The following PTPRT variants were observed in gnomAD, a reference collection of about 807,000 sequenced individuals.
PTPRT encodes the protein protein tyrosine phosphatase receptor type T.
A neutral mutation model predicts 176.8 loss-of-function variants in PTPRT; 56 were observed. The observed-to-expected ratio is 0.32, with a 90% CI of 0.26 to 0.40. The LOEUF is 0.40. PTPRT is among the 10% of genes least tolerant of loss of function. The pLI is 1.00. For missense variants in PTPRT, 1,540 were observed against 1,908.2 expected (o/e 0.81, Z 3.60); for synonymous variants, 783 against 739.0 (o/e 1.06, Z -0.96).
chr20:42,822,566 T>G (rs2077914452), intron 2 of PTPRT, among the ~76,000 whole-genome samples: 1 of 151,958 alleles, frequency 6.6e-6, no homozygotes, highest in Non-Finnish European at 1.5e-5. Context: ...CTAACTAAAC[T>G]AAAGAGCTCC....
At chr20:42,437,447 A>G (rs908525126) in intron 9 of PTPRT, among the ~76,000 whole-genome samples, 9 of 152,222 alleles carry the variant, frequency 5.9e-5, no homozygotes, top group African/African-American at 1.9e-4. Context: ...ACAACCCACT[A>G]TTTGACGTGC....
At chr20:43,143,069 C>T (rs2014065462) in intron 1 of PTPRT, among the ~76,000 whole-genome samples, 1 of 152,176 alleles carries the variant, frequency 6.6e-6, no homozygotes, top group South Asian at 2.1e-4. Context: ...CCGGGGGCAC[C>T]TTCCAAGAGA....
In PTPRT at chr20:42,115,255, G is replaced by C. The variant is rs1987218254; in HGVS notation, c.3043C>G (p.Leu1015Val). The stretch of plus-strand genomic sequence containing the variant: ...TCTGCCAGGGGCTCTGTTTCAATCA[G>C]GGTGACTTTAATGTCTCCGTAGACC... The part of the protein sequence containing the change: ...TEVYGDIKVT[L>V]IETEPLAEYV... Residue 1015 changes from leucine (L) to valine (V), a missense_variant, in exon 22 of 31, where the codon CTG becomes GTG. Leu to Val is a conservative substitution (Grantham distance 32). This residue lies in a region of PTPRT where 248 missense variants were observed against 356.7 expected (regional missense o/e 0.70). Transcript: ENST00000373187. 6.2e-7 allele frequency: 1 copy of C among 1,614,140 alleles called. No individual in the cohort carries two copies. Among genetic ancestry groups the C allele is most frequent in the African/African-American group, 1.3e-5 (1 of 75,054 alleles).
intron 1 of PTPRT, among the ~76,000 whole-genome samples, chr20:43,078,323 G>A (rs2011334630): frequency 6.6e-6 from 1 of 152,202 alleles, no homozygotes; most frequent in South Asian, 2.1e-4. Flanking sequence ...TGACCACTCA[G>A]CCAGCCCTGA....
intron 15 of PTPRT, among the ~76,000 whole-genome samples, chr20:42,205,694 G>A (rs1183940746): frequency 6.6e-6 from 1 of 152,024 alleles, no homozygotes; most frequent in Admixed American, 6.6e-5. Flanking sequence ...CACTGATCAG[G>A]CACTCTTCCT....
chr20:42,110,799 C>T (rs1986942815), intron 22 of PTPRT, among the ~76,000 whole-genome samples: 1 of 151,820 alleles, frequency 6.6e-6, no homozygotes, highest in Non-Finnish European at 1.5e-5. Context: ...CCTAGGGGAT[C>T]GTCTTTGACA....
At chr20:43,091,055 GC>G (rs1341217168) in intron 1 of PTPRT, among the ~76,000 whole-genome samples, 2 of 152,032 alleles carry the variant, frequency 1.3e-5, no homozygotes, top group Non-Finnish European at 2.9e-5. Flanking sequence ...ACATGGTGAA[GC>G]CCCATCTCTA....
At chr20:42,333,206 G>T (rs1218624801) in intron 11 of PTPRT, among the ~76,000 whole-genome samples, 1 of 152,082 alleles carries the variant, frequency 6.6e-6, no homozygotes, top group Non-Finnish European at 1.5e-5. Flanking sequence ...CACAGAAACA[G>T]ATATGATAAT....
chr20:42,100,668 T>C (rs1985844566), intron 26 of PTPRT, among the ~76,000 whole-genome samples: 1 of 151,840 alleles, frequency 6.6e-6, no homozygotes, highest in South Asian at 2.1e-4. Flanking sequence ...TAGGAGGAAA[T>C]TGGAAGTATG....
At chr20:42,617,903 T>C (rs1393740422) in intron 7 of PTPRT, among the ~76,000 whole-genome samples, 4 of 138,658 alleles carry the variant, frequency 2.9e-5, no homozygotes, top group East Asian at 2.0e-4. Flanking sequence ...CCTGGATTCA[T>C]TGATTTTTTG....
At chr20:42,445,674 C>T (rs1379847417) in intron 9 of PTPRT, among the ~76,000 whole-genome samples, 1 of 152,190 alleles carries the variant, frequency 6.6e-6, no homozygotes, top group East Asian at 1.9e-4. Flanking sequence ...TACTCTGGTT[C>T]CGGTTCTCTG....
intron 9 of PTPRT, among the ~76,000 whole-genome samples, chr20:42,422,785 G>A (rs908758663): frequency 6.6e-6 from 1 of 152,070 alleles, no homozygotes; most frequent in Non-Finnish European, 1.5e-5. Context: ...ATAGCCAACA[G>A]AATCAACCTA....
chr20:42,558,629 G>A (rs1229907886), intron 7 of PTPRT, among the ~76,000 whole-genome samples: 1 of 151,944 alleles, frequency 6.6e-6, no homozygotes. Flanking sequence ...AGAAGAAAAT[G>A]GACTCACACG....
At chr20:42,235,055 G>C (rs1600710322) in intron 15 of PTPRT, among the ~76,000 whole-genome samples, 1 of 152,314 alleles carries the variant, frequency 6.6e-6, no homozygotes, top group African/African-American at 2.4e-5. Context: ...TCTTTTGCTA[G>C]CTGGATGTTC....
intron 1 of PTPRT, among the ~76,000 whole-genome samples, chr20:42,985,213 A>G (rs1013695443): frequency 1.3e-5 from 2 of 152,046 alleles, no homozygotes; most frequent in Admixed American, 6.6e-5. Context: ...AAGTGGGAAT[A>G]CCGCCGGGTG....
At chr20:42,563,025 A>G (rs1397941703) in intron 7 of PTPRT, among the ~76,000 whole-genome samples, 2 of 152,216 alleles carry the variant, frequency 1.3e-5, no homozygotes, top group East Asian at 3.8e-4. Context: ...AAAGTGTAAT[A>G]AGGTTAAAAG....
intron 6 of PTPRT, among the ~76,000 whole-genome samples, chr20:42,724,743 A>C (rs145623599): frequency 0.023 from 3,556 of 152,262 alleles, 54 homozygotes; most frequent in Middle Eastern, 0.037. Context: ...GGCTGCAGTG[A>C]GCTATCATCC....
chr20:42,492,279 C>T (rs569368277), intron 7 of PTPRT, among the ~76,000 whole-genome samples: 87 of 152,252 alleles, frequency 5.7e-4, no homozygotes, highest in South Asian at 2.1e-4. Context: ...CCTTCCAGAG[C>T]GGCTATATCA....
At chr20:42,334,139 C>T (rs1879991640) in intron 11 of PTPRT, among the ~76,000 whole-genome samples, 2 of 152,192 alleles carry the variant, frequency 1.3e-5, no homozygotes, top group African/African-American at 2.4e-5. Context: ...AAAAAAAAGT[C>T]TATTAAGACC....
Sources: allele counts gnomAD v4.1 joint callset (sites outside exome capture counted in the v4.1 genomes callset), GRCh38; gene constraint gnomAD v4.1.1; regional missense constraint gnomAD v4.1.1; transcripts MANE v1.5; gene names NCBI Gene and HGNC (gene_info 2026-07-23, HGNC 2026-07-21).